Variants in MCTP1 observed in about 807,000 individuals in gnomAD.
MCTP1 encodes multiple C2 and transmembrane domain-containing protein 1.
A neutral mutation model predicts 120.6 loss-of-function variants in MCTP1; 69 were observed. The ratio of observed to expected loss-of-function variants is 0.57; its 90% CI spans 0.47 to 0.70. The LOEUF (loss-of-function observed/expected upper bound fraction) is 0.70, where lower values mean the gene tolerates loss of function less well. Among genes scored for constraint, MCTP1 ranks in the 30% least tolerant of loss-of-function variants. The pLI, the probability that MCTP1 is intolerant of heterozygous loss-of-function variation, is 0.00. For synonymous variants in MCTP1, 529 were observed against 493.1 expected (o/e 1.07, Z -0.96); for missense variants, 1,203 against 1,248.8 (o/e 0.96, Z 0.55).
In MCTP1 at chr5:94,928,091, G is replaced by A. The variant is rs58599809; in HGVS notation, c.1212+3862C>T. ...TTGTCAAAAATATGAATTGCAATGC[G>A]TATGTTTTTATATCATCACGATAAT... On this transcript the variant is annotated intron_variant, in intron 6 of 22. Coordinates refer to ENST00000515393, the MANE Select transcript of MCTP1 (RefSeq NM_024717.7). Among the ~76,000 whole-genome samples, 917 of 152,008 alleles carry A rather than the reference G, an allele frequency of 6.0e-3. 11 individuals carry two copies. The highest frequency in any genetic ancestry group is 0.02 in the African/African-American group (849 of 41,486).
chr5:94,953,848 ACT>A (rs10615927), intron 2 of MCTP1, among the ~76,000 whole-genome samples: 30,436 of 81,248 alleles, frequency 0.37, 8,997 homozygotes, highest in African/African-American at 0.46. Flanking sequence ...TATATACACA[ACT>A]ATATATATGC....
chr5:95,216,113 T>A (rs979605816), intron 1 of MCTP1, among the ~76,000 whole-genome samples: 1 of 152,254 alleles, frequency 6.6e-6, no homozygotes, highest in African/African-American at 2.4e-5. Context: ...TCTTTGGCAT[T>A]TGTTATATCC....
chr5:95,092,713 G>A (rs1416028738), intron 1 of MCTP1, among the ~76,000 whole-genome samples: 1 of 151,822 alleles, frequency 6.6e-6, no homozygotes, highest in African/African-American at 2.4e-5. Flanking sequence ...AAAAAGAAAA[G>A]GTGAAAGAAA....
chr5:95,018,088 C>G (rs549599363), intron 1 of MCTP1, among the ~76,000 whole-genome samples: 10 of 152,176 alleles, frequency 6.6e-5, no homozygotes, highest in African/African-American at 2.4e-4. Flanking sequence ...AAAAGTACAT[C>G]AGCTATTCCT....
At chr5:94,908,284 G>A (rs143806596) in intron 10 of MCTP1, among the ~76,000 whole-genome samples, 89 of 151,996 alleles carry the variant, frequency 5.9e-4, no homozygotes, top group African/African-American at 2.1e-3. Flanking sequence ...CACTTTACAA[G>A]TAAAATAGTA....
At chr5:95,278,786 C>A (rs372242215) in intron 1 of MCTP1, among the ~76,000 whole-genome samples, 160 of 151,832 alleles carry the variant, frequency 1.1e-3, no homozygotes, top group South Asian at 4.6e-3. Flanking sequence ...AACATGGAGA[C>A]ACCCCGTCTC....
chr5:95,144,665 C>T (rs548637987), intron 1 of MCTP1, among the ~76,000 whole-genome samples: 1 of 152,218 alleles, frequency 6.6e-6, no homozygotes, highest in East Asian at 1.9e-4. Flanking sequence ...AATAGGGAAT[C>T]ATTTCACCAT....
Position 94,813,247 on chromosome 5 carries a change from G to A in MCTP1, c.2437-14115C>T, listed in dbSNP as rs74985901. ...CAAAATCATTAGTTACTAGGGAAACGTAAATTAAACCACAATGGGATACCA... is the reference window on the plus strand; with the variant it reads ...CAAAATCATTAGTTACTAGGGAAACATAAATTAAACCACAATGGGATACCA... On this transcript the variant is annotated intron_variant, in intron 17 of 22. Transcript: ENST00000515393. Among the ~76,000 whole-genome samples the A allele has an allele frequency of 8.4e-3, 1,277 of 152,228 alleles. 8 individuals are homozygous for A. Among genetic ancestry groups the A allele is most frequent in the South Asian group, 0.021 (99 of 4,822 alleles).
rs148490401 is a variant in MCTP1 at position 94,727,874 on chromosome 5, TTAAGA to T, written c.2611-12993_2611-12989del. Among the ~76,000 whole-genome samples the T allele has an allele frequency of 9.5e-3, 1,440 of 152,330 alleles. 23 individuals are homozygous for T. Among genetic ancestry groups the T allele is most frequent in the African/African-American group, 0.033 (1,373 of 41,574 alleles). On this transcript the variant is annotated intron_variant, in intron 19 of 22. Coordinates refer to ENST00000515393, the MANE Select transcript of MCTP1 (RefSeq NM_024717.7). The stretch of plus-strand genomic sequence containing the variant: ...AGGACTGAGAATTCAATTGTCCTCC[TTAAGA>T]TAATAGAGTTCTTCAATGAAATTCA...
intron 1 of MCTP1, among the ~76,000 whole-genome samples, chr5:95,135,342 G>A (rs764467498): frequency 3.4e-4 from 51 of 152,156 alleles, no homozygotes; most frequent in African/African-American, 7.7e-4. Flanking sequence ...ATGACTTATT[G>A]TTTATAACCT....
chr5:94,993,755 G>T (rs1224750056), intron 2 of MCTP1, among the ~76,000 whole-genome samples: 2 of 152,132 alleles, frequency 1.3e-5, no homozygotes, highest in African/African-American at 2.4e-5. Flanking sequence ...CTCTGATCTA[G>T]AAACTTTGTG....
intron 1 of MCTP1, among the ~76,000 whole-genome samples, chr5:95,280,591 G>A (rs934880264): frequency 6.6e-6 from 1 of 152,158 alleles, no homozygotes; most frequent in African/African-American, 2.4e-5. Flanking sequence ...AAAATGAAAT[G>A]CATCTGGTAT....
intron 1 of MCTP1, among the ~76,000 whole-genome samples, chr5:95,083,563 G>A (rs1020776626): frequency 2.6e-5 from 4 of 152,140 alleles, no homozygotes; most frequent in Non-Finnish European, 4.4e-5. Flanking sequence ...TGAGAAAGAG[G>A]TTAAGTTTGT....
chr5:95,005,767 TTTA>T (rs145507562), intron 2 of MCTP1, among the ~76,000 whole-genome samples: 103,472 of 141,046 alleles, frequency 0.73, 36,527 homozygotes, highest in Middle Eastern at 0.84. Context: ...CTTTTCTTTC[TTTA>T]TTTTTTTTTT....
chr5:95,086,939 TC>T (rs2152333891), intron 1 of MCTP1, among the ~76,000 whole-genome samples: 1 of 152,316 alleles, frequency 6.6e-6, no homozygotes, highest in South Asian at 2.1e-4. Context: ...AAACAATGCA[TC>T]CAAATGTATC....
chr5:94,965,730 C>G (rs1027765764), intron 2 of MCTP1, among the ~76,000 whole-genome samples: 1 of 152,116 alleles, frequency 6.6e-6, no homozygotes, highest in Non-Finnish European at 1.5e-5. Context: ...CATGTTGAAA[C>G]TAATCCTCAA....
rs777918834 is a variant in MCTP1, at chr5:94,714,834, C to G, written c.2663G>C (p.Cys888Ser). 2 of 1,613,178 alleles carry G rather than the reference C, an allele frequency of 1.2e-6. No homozygotes were observed. The highest frequency in any genetic ancestry group is 1.7e-5 in the Admixed American group (1 of 60,012). ...INKIYAIQEVCVSVQNILDEV... is the reference protein window; with the variant it reads ...INKIYAIQEVSVSVQNILDEV... Reference sequence around the variant, plus strand: ...ATCTAGGATGTTCTGGACACTGACACATACCTCCTGGATGGCATAGATTTT... The same window carrying G: ...ATCTAGGATGTTCTGGACACTGACAGATACCTCCTGGATGGCATAGATTTT... Residue 888 changes from cysteine (C) to serine (S), a missense_variant, in exon 20 of 23, where the codon TGT becomes TCT. Cys to Ser is a moderately radical substitution (Grantham distance 112). Around this residue, in one of 2 missense-constraint regions of MCTP1, gnomAD observed 740 missense variants for 871.1 expected, o/e 0.85. Transcript: ENST00000515393.
intron 2 of MCTP1, among the ~76,000 whole-genome samples, chr5:95,011,348 C>G (rs1376663133): frequency 6.6e-6 from 1 of 152,102 alleles, no homozygotes; most frequent in Non-Finnish European, 1.5e-5. Flanking sequence ...CTTATACCTT[C>G]TCCTCCACTT....
chr5:95,284,131 C>G lies in MCTP1; in HGVS notation c.445G>C (p.Gly149Arg). Residue 149 changes from glycine (G) to arginine (R), a missense_variant, in exon 1 of 23, where the codon GGC (glycine) becomes CGC (arginine). Physicochemically the swap from Gly to Arg is moderately radical, Grantham distance 125 (BLOSUM62 -2). Transcript: ENST00000515393. This position sits in a 1 kb window ranked among gnomAD's most constrained non-coding sequence, Gnocchi z 5.2. ...GGAGCTGAGTCGGGGGAGCGTCCGC[C>G]AGGAGGCGTCCCTCCCGCTGCTCCC... ...ASGAAGGTPP[G>R]GRSPDSAPSS... The G allele has an allele frequency of 1.3e-6, 2 of 1,552,920 alleles. No individual in the cohort carries two copies. Among genetic ancestry groups the G allele is most frequent in the Non-Finnish European group, 1.7e-6 (2 of 1,148,548 alleles).
Sources: gnomAD v4.1 joint callset for allele counts (sites outside exome capture counted in the v4.1 genomes callset) on GRCh38, gnomAD v4.1.1 for gene constraint, gnomAD v4.1.1 regional missense constraint, Gnocchi (gnomAD v3.1) non-coding constraint, MANE v1.5 for transcripts, NCBI Gene and HGNC (gene_info 2026-07-23, HGNC 2026-07-21) for gene names.